The following CLASP1 variants were observed in gnomAD, a reference collection of about 807,000 sequenced individuals.
CLASP1 encodes cytoplasmic linker associated protein 1, also known as CLIP-associating protein 1.
In CLASP1, 38 loss-of-function variants were observed where a neutral mutation model predicts 192.3. That is an observed-to-expected ratio of 0.20 (90% CI 0.15 to 0.26). The LOEUF is 0.26. Among genes scored for constraint, CLASP1 ranks in the 10% least tolerant of loss-of-function variants. The pLI, the probability that CLASP1 is intolerant of heterozygous loss-of-function variation, is 1.00. For missense variants in CLASP1, 1,433 were observed against 1,932.5 expected (o/e 0.74, Z 4.85); for synonymous variants, 691 against 712.8 (o/e 0.97, Z 0.49).
intron 19 of CLASP1, among the ~76,000 whole-genome samples, chr2:121,446,884 G>A (rs573782725): frequency 1.3e-4 from 20 of 152,156 alleles, no homozygotes; most frequent in South Asian, 6.2e-4. Context: ...AACCCAACCC[G>A]ATTATCCCTG....
Position 121,405,193 on chromosome 2 carries a change from C to T in CLASP1, c.2670-759G>A, listed in dbSNP as rs551542411. ...GCATGGTGGTGGGTGCCTGTAATCCCAGTTACTCAGGAGGCTGAGGCAGGA... is the reference window on the plus strand; with the variant it reads ...GCATGGTGGTGGGTGCCTGTAATCCTAGTTACTCAGGAGGCTGAGGCAGGA... On this transcript the variant is annotated intron_variant, in intron 25 of 39. Transcript: ENST00000263710. Among the ~76,000 whole-genome samples, 349 of 152,198 alleles carry T rather than the reference C, an allele frequency of 2.3e-3. 2 individuals carry two copies. The highest frequency in any genetic ancestry group is 4.3e-3 in the Non-Finnish European group (294 of 68,016).
At chr2:121,396,795 G>A (rs1469646508) in intron 30 of CLASP1, among the ~76,000 whole-genome samples, 1 of 152,184 alleles carries the variant, frequency 6.6e-6, no homozygotes, top group Non-Finnish European at 1.5e-5. Flanking sequence ...CAGGGACCCT[G>A]TAGCCAGCTA....
In CLASP1 at chr2:121,369,321, G is replaced by A. The variant is rs532560281; in HGVS notation, c.3643-1490C>T. Among the ~76,000 whole-genome samples, 332 of 152,154 alleles carry A rather than the reference G, an allele frequency of 2.2e-3. 3 individuals are homozygous for A. Among genetic ancestry groups the A allele is most frequent in the African/African-American group, 5.5e-3 (227 of 41,518 alleles). On this transcript the variant is annotated intron_variant, in intron 34 of 39. Coordinates refer to ENST00000263710, the Ensembl canonical transcript of CLASP1. Reference sequence around the variant, plus strand: ...TGTAAAAATAATACATAATATATGCGTAGACAGAAACAAATTAAGACTAAA... The same window carrying A: ...TGTAAAAATAATACATAATATATGCATAGACAGAAACAAATTAAGACTAAA...
chr2:121,356,142 CAA>C (rs35125162), intron 37 of CLASP1, among the ~76,000 whole-genome samples: 7 of 135,672 alleles, frequency 5.2e-5, no homozygotes, highest in African/African-American at 5.4e-5. Flanking sequence ...CTGGTTGAGT[CAA>C]AAAAAAAAAG....
At chr2:121,463,367 G>A (rs1249199395) in intron 9 of CLASP1, among the ~76,000 whole-genome samples, 3 of 152,094 alleles carry the variant, frequency 2.0e-5, no homozygotes, top group Non-Finnish European at 4.4e-5. Context: ...CTGGTGTTCA[G>A]GGTCCTGATA....
At chr2:121,522,015 G>A (rs1209287202) in intron 6 of CLASP1, among the ~76,000 whole-genome samples, 3 of 152,174 alleles carry the variant, frequency 2.0e-5, no homozygotes, top group African/African-American at 7.2e-5. Flanking sequence ...GCACATGCAA[G>A]CTACACAAGA....
chr2:121,444,867 G>C (rs1296296959), intron 19 of CLASP1: 1 of 1,017,714 alleles, frequency 9.8e-7, no homozygotes, highest in African/African-American at 1.7e-5. Flanking sequence ...AGTGGGTACT[G>C]GGCAACACTC....
chr2:121,459,908 T>G, intron 12 of CLASP1, 72 bp downstream of exon 12: 1 of 1,427,624 alleles, frequency 7.0e-7, no homozygotes, highest in Non-Finnish European at 9.4e-7. Flanking sequence ...GCTCACATGT[T>G]CAAGGAGACA....
chr2:121,584,513 G>T (rs978405444), intron 2 of CLASP1, among the ~76,000 whole-genome samples: 6 of 152,156 alleles, frequency 3.9e-5, no homozygotes, highest in African/African-American at 1.4e-4. Context: ...AAGGAAAGGT[G>T]GAGAGGGAGG....
chr2:121,402,157 T>C (rs879930199), intron 26 of CLASP1, among the ~76,000 whole-genome samples: 3 of 152,226 alleles, frequency 2.0e-5, no homozygotes, highest in Non-Finnish European at 4.4e-5. Flanking sequence ...ACAAATACTA[T>C]TATAAAATGA....
chr2:121,387,766 A>G (rs1317996058), exon 31 of CLASP1: 1 of 1,613,932 alleles, frequency 6.2e-7, no homozygotes, highest in Non-Finnish European at 8.5e-7. Context: ...CACTCACCAC[A>G]CTGGTGTTAC....
intron 19 of CLASP1, among the ~76,000 whole-genome samples, chr2:121,431,746 GT>G (rs531841516): frequency 1.5e-3 from 203 of 135,024 alleles, no homozygotes; most frequent in South Asian, 2.6e-3. Flanking sequence ...CATTCCCTTG[GT>G]TTTTTTTTTT....
chr2:121,464,592 G>A (rs2089051339), intron 9 of CLASP1, among the ~76,000 whole-genome samples: 1 of 152,134 alleles, frequency 6.6e-6, no homozygotes, highest in Non-Finnish European at 1.5e-5. Flanking sequence ...TTCTCTGATA[G>A]CCAGTGATGG....
intron 33 of CLASP1, among the ~76,000 whole-genome samples, chr2:121,379,943 C>A (rs2071244184): frequency 6.6e-6 from 1 of 152,182 alleles, no homozygotes; most frequent in Non-Finnish European, 1.5e-5. Context: ...ACTCCCAATT[C>A]AGGAGCACCA....
intron 1 of CLASP1, among the ~76,000 whole-genome samples, chr2:121,647,930 T>A (rs1329431640): frequency 6.6e-6 from 1 of 152,194 alleles, no homozygotes; most frequent in South Asian, 2.1e-4. Flanking sequence ...AGGTAGCCCA[T>A]AATAAACAAT....
intron 36 of CLASP1, chr2:121,364,736 T>G: frequency 3.9e-6 from 1 of 253,982 alleles, no homozygotes; most frequent in South Asian, 5.5e-5. Context: ...CTCAATTACA[T>G]ATGAAACAAA....
intron 1 of CLASP1, among the ~76,000 whole-genome samples, chr2:121,626,322 C>G (rs1429624418): frequency 6.6e-6 from 1 of 152,110 alleles, no homozygotes; most frequent in Non-Finnish European, 1.5e-5. Flanking sequence ...ATAAAGAAGT[C>G]AAGCTATAAA....
At chr2:121,572,085 G>A (rs2060025837) in intron 2 of CLASP1, among the ~76,000 whole-genome samples, 1 of 152,108 alleles carries the variant, frequency 6.6e-6, no homozygotes, top group Non-Finnish European at 1.5e-5. Flanking sequence ...CTATAGCAGA[G>A]GCAGAATTAG....
intron 28 of CLASP1, 121 bp from the exon 30 acceptor site, chr2:121,398,521 A>G (rs1243409864): frequency 1.5e-6 from 1 of 661,832 alleles, no homozygotes; most frequent in Non-Finnish European, 2.5e-6. Context: ...CACATTTTTA[A>G]TAAATAGTGC....
Sources: gnomAD v4.1 joint callset for allele counts (sites outside exome capture counted in the v4.1 genomes callset) on GRCh38, gnomAD v4.1.1 for gene constraint, MANE v1.5 for transcripts, NCBI Gene and HGNC (gene_info 2026-07-23, HGNC 2026-07-21) for gene names.